Variants in FAM107B observed in about 807,000 individuals in gnomAD.
FAM107B encodes the protein protein FAM107B.
A neutral mutation model predicts 31.5 loss-of-function variants in FAM107B; 21 were observed. The observed-to-expected ratio is 0.67, with a 90% CI of 0.47 to 0.96. The LOEUF is 0.96. Among genes scored for constraint, FAM107B ranks in the 40% least tolerant of loss-of-function variants. The probability of loss-of-function intolerance (pLI) is 0.00; values close to 1 mark genes in which losing one functional copy is unlikely to be tolerated. For synonymous variants in FAM107B, 157 were observed against 141.5 expected, an observed-to-expected ratio of 1.11 and a Z score of -0.78; for missense variants, 452 against 377.1, an observed-to-expected ratio of 1.20 and a Z score of -1.64.
chr10:14,660,072 G>A (rs1854191736), intron 2 of FAM107B, among the ~76,000 whole-genome samples: 2 of 152,112 alleles, frequency 1.3e-5, no homozygotes, highest in South Asian at 4.1e-4. Context: ...TCAGTTCTAG[G>A]TGACCTTTAG....
intron 2 of FAM107B, among the ~76,000 whole-genome samples, chr10:14,634,010 A>G (rs1159358278): frequency 6.6e-6 from 1 of 152,202 alleles, no homozygotes; most frequent in South Asian, 2.1e-4. Context: ...AGGCTTTTCC[A>G]TAGTGCTATA....
intron 2 of FAM107B, among the ~76,000 whole-genome samples, chr10:14,551,329 G>C (rs1849242374): frequency 6.6e-6 from 1 of 152,178 alleles, no homozygotes; most frequent in South Asian, 2.1e-4. Flanking sequence ...ATTTTCAGTA[G>C]AGACGGGGTT....
chr10:14,558,278 C>A (rs746027680), intron 2 of FAM107B, among the ~76,000 whole-genome samples: 1 of 148,922 alleles, frequency 6.7e-6, no homozygotes, highest in Non-Finnish European at 1.5e-5. Context: ...CATACGTGCA[C>A]GCACACACAC....
intron 2 of FAM107B, among the ~76,000 whole-genome samples, chr10:14,636,656 C>G (rs561757457): frequency 6.0e-5 from 9 of 149,316 alleles, no homozygotes; most frequent in African/African-American, 2.0e-4. Flanking sequence ...AGTTACATGG[C>G]GAAGGAAGTA....
At chr10:14,706,598 TATAA>T (rs1855525667) in intron 1 of FAM107B, among the ~76,000 whole-genome samples, 1 of 152,226 alleles carries the variant, frequency 6.6e-6, no homozygotes, top group Admixed American at 6.5e-5. Context: ...ACCTCATCCT[TATAA>T]ATATATATAG....
intron 2 of FAM107B, among the ~76,000 whole-genome samples, chr10:14,647,528 A>G (rs1853787422): frequency 6.6e-6 from 1 of 151,952 alleles, no homozygotes; most frequent in Admixed American, 6.6e-5. Context: ...AAAAAAGTAC[A>G]AAAAAATTAG....
intron 2 of FAM107B, among the ~76,000 whole-genome samples, chr10:14,646,479 C>A (rs1377390400): frequency 6.6e-6 from 1 of 152,204 alleles, no homozygotes; most frequent in Non-Finnish European, 1.5e-5. Flanking sequence ...GCCTCCAGCT[C>A]CATCAAAGTT....
intron 2 of FAM107B, among the ~76,000 whole-genome samples, chr10:14,598,863 A>G (rs1475458484): frequency 6.6e-6 from 1 of 152,152 alleles, no homozygotes; most frequent in Non-Finnish European, 1.5e-5. Flanking sequence ...AGATGAGAAT[A>G]CTAGAGCTCA....
At chr10:14,550,185 C>T (rs748782460) in intron 2 of FAM107B, among the ~76,000 whole-genome samples, 1 of 152,182 alleles carries the variant, frequency 6.6e-6, no homozygotes, top group Non-Finnish European at 1.5e-5. Context: ...CAACAGGATG[C>T]TTTTAAGGAT....
chr10:14,545,128 G>A (rs1848577970), intron 2 of FAM107B, among the ~76,000 whole-genome samples: 1 of 152,246 alleles, frequency 6.6e-6, no homozygotes, highest in South Asian at 2.1e-4. Flanking sequence ...ATACAGATAG[G>A]GAAATTAAGG....
intron 1 of FAM107B, among the ~76,000 whole-genome samples, chr10:14,669,721 A>G (rs1001735794): frequency 1.1e-4 from 16 of 152,220 alleles, no homozygotes; most frequent in Non-Finnish European, 1.8e-4. Context: ...TGTGGGAACT[A>G]AAAACATTGG....
At chr10:14,654,714 T>A (rs1193638376) in intron 2 of FAM107B, among the ~76,000 whole-genome samples, 1 of 152,222 alleles carries the variant, frequency 6.6e-6, no homozygotes, top group Non-Finnish European at 1.5e-5. Context: ...CAAATAAGCA[T>A]GTTCAAGTTG....
chr10:14,614,045 C>T (rs754268669), intron 2 of FAM107B, among the ~76,000 whole-genome samples: 19 of 151,912 alleles, frequency 1.3e-4, no homozygotes, highest in Non-Finnish European at 2.2e-4. Context: ...ACAGAAGAAT[C>T]GCTTGAACGT....
Position 14,520,328 on chromosome 10 carries a change from C to A in FAM107B, c.*862G>T, listed in dbSNP as rs1845513319. 2.0e-5 allele frequency: 3 copies of A among 152,200 alleles called. No homozygotes were observed. Among genetic ancestry groups the A allele is most frequent in the Admixed American group, 2.0e-4 (3 of 15,280 alleles). The allele number at this position is 152,200 out of a possible 1,614,324, so 9.4% of individuals were successfully genotyped here. The stretch of plus-strand genomic sequence containing the variant: ...TTGGAGAAATGAAAAGATGTGGCGG[C>A]TTCTACTTTTGCTACTGAAGCTGGG... On this transcript the variant is annotated 3_prime_UTR_variant, in exon 5 of 5. Coordinates refer to ENST00000181796, the MANE Select transcript of FAM107B (RefSeq NM_031453.4).
chr10:14,556,970 AC>A (rs994830721), intron 2 of FAM107B, among the ~76,000 whole-genome samples: 4 of 151,858 alleles, frequency 2.6e-5, no homozygotes, highest in Non-Finnish European at 5.9e-5. Flanking sequence ...CCTGGAACAC[AC>A]CAAACTCTTT....
At chr10:14,551,262 C>T (rs1490290124) in intron 2 of FAM107B, among the ~76,000 whole-genome samples, 1 of 152,170 alleles carries the variant, frequency 6.6e-6, no homozygotes, top group Non-Finnish European at 1.5e-5. Flanking sequence ...ATTCTCCTGC[C>T]TCAGCCTCCT....
At position 14,520,930 on chromosome 10, in the gene FAM107B, G is replaced by A. The variant is rs1845567008; in HGVS notation, c.*260C>T. The A allele has an allele frequency of 2.7e-6, 1 of 369,306 alleles. No homozygotes were observed. Among genetic ancestry groups the A allele is most frequent in the African/African-American group, 2.1e-5 (1 of 47,850 alleles). 22.9% of individuals were successfully genotyped at this position (369,306 alleles called of 1,614,324 possible). A position where few individuals can be genotyped will look rare whatever the true frequency, so the allele number is the denominator to read the frequency against. On this transcript the variant is annotated 3_prime_UTR_variant, in exon 5 of 5. Coordinates refer to ENST00000181796, the MANE Select transcript of FAM107B (RefSeq NM_031453.4). Reference sequence around the variant, plus strand: ...TTTCCTGTTCTCACTTGTTTTGCTTGTTGGTTCTGTTAAGTCTCTGAACAC... The same window carrying A: ...TTTCCTGTTCTCACTTGTTTTGCTTATTGGTTCTGTTAAGTCTCTGAACAC...
At chr10:14,716,513 G>A (rs529120812) in intron 1 of FAM107B, among the ~76,000 whole-genome samples, 2 of 152,322 alleles carry the variant, frequency 1.3e-5, no homozygotes, top group Admixed American at 6.5e-5. Context: ...ATGCTTTTCA[G>A]AAGTAACACA....
intron 1 of FAM107B, among the ~76,000 whole-genome samples, chr10:14,772,353 T>TAAAAAA (rs201097631): frequency 1.4e-5 from 2 of 143,016 alleles, no homozygotes; most frequent in African/African-American, 5.6e-5. Flanking sequence ...GACTCCATCT[T>TAAAAAA]AAAAAAAAAA....
Sources: gnomAD v4.1 joint callset for allele counts (sites outside exome capture counted in the v4.1 genomes callset) on GRCh38, gnomAD v4.1.1 for gene constraint, MANE v1.5 for transcripts, NCBI Gene and HGNC (gene_info 2026-07-23, HGNC 2026-07-21) for gene names.